The following SYNDIG1 variants were observed in gnomAD, a reference collection of about 807,000 sequenced individuals.
SYNDIG1 encodes the protein synapse differentiation inducing 1.
A neutral mutation model predicts 19.4 loss-of-function variants in SYNDIG1; 9 were observed. The observed-to-expected ratio is 0.46, with a 90% CI of 0.28 to 0.81. The LOEUF is 0.81. Ranked by LOEUF, SYNDIG1 falls within the 30% of genes least tolerant of loss-of-function variation. The pLI is 0.12. For missense variants in SYNDIG1, 311 were observed against 343.3 expected (o/e 0.91, Z 0.74); for synonymous variants, 141 against 145.9 (o/e 0.97, Z 0.24).
chr20:24,556,286 G>C (rs1486580364), intron 2 of SYNDIG1, among the ~76,000 whole-genome samples: 3 of 152,102 alleles, frequency 2.0e-5, no homozygotes, highest in African/African-American at 7.2e-5. Context: ...CTTTTAATTG[G>C]AGCATTTAGT....
Position 24,665,533 on chromosome 20 carries a change from G to A in SYNDIG1, c.*29G>A, listed in dbSNP as rs370023869. ...TCCTGCGAATGGAGGGGGAGCACCC[G>A]GGGCCAGGTCTGTGTGGACGTGGAG... On this transcript the variant is annotated 3_prime_UTR_variant, in exon 4 of 4. Transcript: ENST00000376862. The A allele has an allele frequency of 5.6e-5, 90 of 1,613,602 alleles. No homozygotes were observed. Among genetic ancestry groups the A allele is most frequent in the South Asian group, 1.9e-4 (17 of 91,010 alleles).
chr20:24,654,525 T>C (rs1018850732), intron 3 of SYNDIG1, among the ~76,000 whole-genome samples: 1 of 150,266 alleles, frequency 6.7e-6, no homozygotes. Flanking sequence ...ATTGAGGAAA[T>C]GATCCATAAA....
At chr20:24,638,049 C>T (rs1344660153) in intron 3 of SYNDIG1, among the ~76,000 whole-genome samples, 1 of 152,224 alleles carries the variant, frequency 6.6e-6, no homozygotes, top group Non-Finnish European at 1.5e-5. Flanking sequence ...TCCCTCCAAA[C>T]ACTGCATCAT....
chr20:24,514,464 G>T (rs1013989689), intron 1 of SYNDIG1, among the ~76,000 whole-genome samples: 3 of 152,040 alleles, frequency 2.0e-5, no homozygotes, highest in Non-Finnish European at 4.4e-5. Context: ...AAAAAGGCAG[G>T]GGTTGCAATC....
intron 1 of SYNDIG1, among the ~76,000 whole-genome samples, chr20:24,508,429 A>T (rs925816299): frequency 4.5e-4 from 2 of 4,492 alleles, no homozygotes; most frequent in Non-Finnish European, 8.1e-4. Context: ...GAGTTTCACC[A>T]TGTTGGCCAA....
chr20:24,598,262 A>G (rs1404564054), intron 3 of SYNDIG1, among the ~76,000 whole-genome samples: 1 of 152,226 alleles, frequency 6.6e-6, no homozygotes, highest in African/African-American at 2.4e-5. Flanking sequence ...TAGACGCACA[A>G]TTCCACCTAA....
intron 1 of SYNDIG1, among the ~76,000 whole-genome samples, chr20:24,470,849 G>A (rs1019946361): frequency 5.3e-5 from 8 of 152,108 alleles, no homozygotes; most frequent in African/African-American, 1.7e-4. Flanking sequence ...CTCCTGCGAC[G>A]TCAGATGCGC....
At chr20:24,542,640 G>A (rs2057490029) in intron 1 of SYNDIG1, among the ~76,000 whole-genome samples, 1 of 152,172 alleles carries the variant, frequency 6.6e-6, no homozygotes, top group Admixed American at 6.5e-5. Context: ...AGAGCTAATC[G>A]CCTTTACAGA....
chr20:24,542,937 A>C (rs1207295980), intron 1 of SYNDIG1, 83 bp from the exon 2 acceptor site: 1 of 1,043,868 alleles, frequency 9.6e-7, no homozygotes, highest in Non-Finnish European at 1.4e-6. Flanking sequence ...TGGCTGGTAC[A>C]GTCTGAAACA....
At chr20:24,506,968 A>G (rs528823771) in intron 1 of SYNDIG1, among the ~76,000 whole-genome samples, 1 of 152,350 alleles carries the variant, frequency 6.6e-6, no homozygotes, top group Non-Finnish European at 1.5e-5. Flanking sequence ...GTGCCCAGGT[A>G]TCTTAGATGG....
intron 3 of SYNDIG1, among the ~76,000 whole-genome samples, chr20:24,633,329 T>C (rs2059272979): frequency 6.6e-6 from 1 of 152,144 alleles, no homozygotes; most frequent in South Asian, 2.1e-4. Flanking sequence ...CCTTCCTCCC[T>C]GACACCACCC....
intron 3 of SYNDIG1, among the ~76,000 whole-genome samples, chr20:24,661,550 A>AAAGG (rs2059601852): frequency 6.6e-5 from 1 of 15,262 alleles, no homozygotes. Context: ...GGAGGGAGGG[A>AAAGG]GGAAAAAAGA....
intron 3 of SYNDIG1, among the ~76,000 whole-genome samples, chr20:24,607,097 T>C (rs1223649143): frequency 1.3e-5 from 2 of 152,140 alleles, no homozygotes; most frequent in Non-Finnish European, 2.9e-5. Flanking sequence ...CCATGGCTCA[T>C]GCCTATAATC....
rs150474465 is a variant in SYNDIG1 at position 24,500,445 on chromosome 20, G to A, written c.-79+30692G>A. On this transcript the variant is annotated intron_variant, in intron 1 of 3. Coordinates refer to ENST00000376862, the MANE Select transcript of SYNDIG1 (RefSeq NM_024893.3). ...TCAGTATCAACTTAGAGAGTTGGCTGTTTCTAGTTGGAAAACAAAAGCAGA... is the reference window on the plus strand; with the variant it reads ...TCAGTATCAACTTAGAGAGTTGGCTATTTCTAGTTGGAAAACAAAAGCAGA... Among the ~76,000 whole-genome samples, 6 of 152,112 alleles carry A rather than the reference G, an allele frequency of 3.9e-5. No homozygotes were observed. In the East Asian group the frequency reaches 1.2e-3, roughly 29 times the overall value.
At chr20:24,524,123 G>A (rs1036763946) in intron 1 of SYNDIG1, among the ~76,000 whole-genome samples, 2 of 152,290 alleles carry the variant, frequency 1.3e-5, no homozygotes, top group Middle Eastern at 3.4e-3. Flanking sequence ...CCTTGGAGGA[G>A]TGCTTGGTAG....
chr20:24,575,926 G>A (rs910048491), intron 2 of SYNDIG1, among the ~76,000 whole-genome samples: 3 of 152,180 alleles, frequency 2.0e-5, no homozygotes, highest in Admixed American at 1.3e-4. Context: ...CAGGGACTCT[G>A]AGACATCCAC....
chr20:24,598,899 T>A (rs1161735440), intron 3 of SYNDIG1, among the ~76,000 whole-genome samples: 1 of 151,988 alleles, frequency 6.6e-6, no homozygotes, highest in Admixed American at 6.6e-5. Flanking sequence ...AAAGAAAACC[T>A]AGGGAAATCG....
chr20:24,502,631 AT>A (rs1427112773), intron 1 of SYNDIG1, among the ~76,000 whole-genome samples: 1 of 152,206 alleles, frequency 6.6e-6, no homozygotes, highest in African/African-American at 2.4e-5. Context: ...TAAGCAAGCT[AT>A]TTTAGTGATT....
chr20:24,618,256 G>C (rs116414694), intron 3 of SYNDIG1, among the ~76,000 whole-genome samples: 2,549 of 149,464 alleles, frequency 0.017, 34 homozygotes, highest in African/African-American at 0.035. Context: ...AGCCCCGGGA[G>C]GGGGGAGAGT....
Sources: allele counts gnomAD v4.1 joint callset (sites outside exome capture counted in the v4.1 genomes callset), GRCh38; gene constraint gnomAD v4.1.1; transcripts MANE v1.5; gene names NCBI Gene and HGNC (gene_info 2026-07-23, HGNC 2026-07-21).